The following XG variants were observed in gnomAD, a reference collection of about 807,000 sequenced individuals.
XG encodes glycoprotein Xg.
Under a neutral mutation model 25.7 loss-of-function variants are expected in XG, and 24 were observed. That is an observed-to-expected ratio of 0.93 (90% CI 0.68 to 1.31). XG has a LOEUF of 1.31. XG is among the 40% of genes most tolerant of loss of function. The pLI is 0.00. For synonymous variants in XG, 77 were observed against 69.2 expected, an observed-to-expected ratio of 1.11 and a Z score of -0.56; for missense variants, 181 against 187.6, an observed-to-expected ratio of 0.96 and a Z score of 0.21.
At chrX:2,799,749 C>T (rs968869787) in intron 7 of XG, among the ~76,000 whole-genome samples, 7 of 111,303 alleles carry the variant, frequency 6.3e-5, no homozygotes, top group African/African-American at 2.3e-4. Flanking sequence ...ATTTAGGAAC[C>T]AAAAGGGGGA....
chrX:2,779,605 C>T (rs1242729927), intron 3 of XG, among the ~76,000 whole-genome samples: 2 of 152,082 alleles, frequency 1.3e-5, no homozygotes, highest in East Asian at 1.9e-4. Context: ...TGATATAAAA[C>T]GTGCAGTACT....
chrX:2,802,624 TTG>T (rs1426213145), intron 7 of XG, among the ~76,000 whole-genome samples: 1 of 108,914 alleles, frequency 9.2e-6, no homozygotes, highest in African/African-American at 3.4e-5. Context: ...TCTTCTGTTC[TTG>T]TGTGGGACGG....
Position 2,770,587 on chromosome X carries a change from C to T in XG, c.99C>T (p.Asp33=), listed in dbSNP as rs140118070. Residue 33 remains aspartate, a synonymous_variant, in exon 2 of 11, where the codon GAC becomes GAT. Transcript: ENST00000644266. ...RDFDLADALD[D]PEPTKKPNSD... ...TTGATTTGGCAGATGCCCTTGATGACCCTGGTAAGTGCCGATATTTCAAGG... is the reference window on the plus strand; with the variant it reads ...TTGATTTGGCAGATGCCCTTGATGATCCTGGTAAGTGCCGATATTTCAAGG... 4.6e-5 allele frequency: 75 copies of T among 1,613,924 alleles called. 1 individual carries two copies. In the African/African-American group the frequency reaches 6.7e-4, roughly 14 times the overall value.
intron 2 of XG, 21 bp from the exon 3 acceptor site, chrX:2,774,695 A>G: frequency 6.2e-7 from 1 of 1,613,576 alleles, no homozygotes; most frequent in Non-Finnish European, 8.5e-7. Context: ...TATTGCATTT[A>G]TTTTCTCTCT....
rs1288590186 is a variant in XG, at chrX:2,774,155, C to T, written c.104-561C>T. Among the ~76,000 whole-genome samples, 4 of 152,164 alleles carry T rather than the reference C, an allele frequency of 2.6e-5. No individual in the cohort carries two copies. In the East Asian group the frequency reaches 5.8e-4, roughly 22 times the overall value. On this transcript the variant is annotated intron_variant, in intron 2 of 10. Coordinates refer to ENST00000644266, the MANE Select transcript of XG (RefSeq NM_001141919.2). Reference sequence around the variant, plus strand: ...AAGCTCCAATTTTCCCAGCCATGGCCGACTCCACCTCCTTTGAGCCATCTT... The same window carrying T: ...AAGCTCCAATTTTCCCAGCCATGGCTGACTCCACCTCCTTTGAGCCATCTT...
At chrX:2,778,747 C>T (rs1378815678) in intron 3 of XG, among the ~76,000 whole-genome samples, 4 of 151,234 alleles carry the variant, frequency 2.6e-5, no homozygotes, top group African/African-American at 4.9e-5. Context: ...GTGGATGATA[C>T]GTGATCAAAT....
chrX:2,811,483 G>C, intron 10 of XG, 31 bp downstream of exon 10: 2 of 1,053,204 alleles, frequency 1.9e-6, no homozygotes, highest in Non-Finnish European at 2.6e-6. Flanking sequence ...TGTTTTGCTT[G>C]TTACTAAGCC....
At chrX:2,810,798 C>A (rs2147097430) in intron 9 of XG, among the ~76,000 whole-genome samples, 1 of 110,991 alleles carries the variant, frequency 9.0e-6, no homozygotes, top group East Asian at 2.8e-4. Flanking sequence ...CACCTGTAGT[C>A]CCAGCTATTC....
At chrX:2,781,851 G>T (rs1395026165) in intron 3 of XG, among the ~76,000 whole-genome samples, 1 of 101,424 alleles carries the variant, frequency 9.9e-6, no homozygotes, top group Non-Finnish European at 2.0e-5. Context: ...GTAACAAAAC[G>T]GAAACCTTTT....
intron 4 of XG, among the ~76,000 whole-genome samples, chrX:2,787,684 A>T (rs949159412): frequency 4.5e-5 from 5 of 110,058 alleles, no homozygotes; most frequent in African/African-American, 1.7e-4. Flanking sequence ...ACGTGGGTGG[A>T]TCACCTGAAG....
chrX:2,793,274 A>T (rs1054105809), intron 5 of XG, among the ~76,000 whole-genome samples: 1 of 111,690 alleles, frequency 9.0e-6, no homozygotes, highest in African/African-American at 3.3e-5. Flanking sequence ...TTTCTTATAG[A>T]TCGAGACCAA....
At chrX:2,809,564 G>A (rs1397496218) in intron 9 of XG, among the ~76,000 whole-genome samples, 1 of 112,313 alleles carries the variant, frequency 8.9e-6, no homozygotes, top group Non-Finnish European at 1.9e-5. Flanking sequence ...GTATGTATCA[G>A]TCAGCTATGC....
intron 4 of XG, among the ~76,000 whole-genome samples, chrX:2,783,803 T>C (rs750378946): frequency 2.7e-5 from 3 of 111,732 alleles, no homozygotes; most frequent in Non-Finnish European, 5.7e-5. Context: ...GGCGAAACCC[T>C]GTCTCTACCA....
At chrX:2,782,634 T>C (rs2086741804) in intron 4 of XG, among the ~76,000 whole-genome samples, 1 of 110,959 alleles carries the variant, frequency 9.0e-6, no homozygotes, top group Admixed American at 9.6e-5. Flanking sequence ...TGTTCCTGGG[T>C]GGATGGCGGA....
intron 5 of XG, among the ~76,000 whole-genome samples, chrX:2,790,055 A>T (rs2147070858): frequency 9.1e-6 from 1 of 110,297 alleles, no homozygotes; most frequent in African/African-American, 3.3e-5. Context: ...TATATTTCAA[A>T]TTTTTTGCAG....
chrX:2,759,644 T>G (rs1353665617), intron 1 of XG, among the ~76,000 whole-genome samples: 1 of 152,182 alleles, frequency 6.6e-6, no homozygotes, highest in Non-Finnish European at 1.5e-5. Flanking sequence ...TGGCAAATAT[T>G]GGAGCCAATT....
intron 4 of XG, among the ~76,000 whole-genome samples, chrX:2,788,280 G>A (rs1478562777): frequency 1.8e-5 from 2 of 112,035 alleles, no homozygotes; most frequent in African/African-American, 6.5e-5. Flanking sequence ...TACTGGCAGT[G>A]CCAGGTACCA....
intron 2 of XG, among the ~76,000 whole-genome samples, chrX:2,773,537 A>C (rs56305255): frequency 1.2e-5 from 1 of 85,316 alleles, no homozygotes; most frequent in Non-Finnish European, 2.4e-5. Context: ...GAAGGAGAGA[A>C]GGAAGGAAGG....
At chrX:2,801,923 G>A (rs774726837) in intron 7 of XG, among the ~76,000 whole-genome samples, 1 of 110,313 alleles carries the variant, frequency 9.1e-6, no homozygotes, top group Non-Finnish European at 1.9e-5. Context: ...TAGCCAGGAT[G>A]ATCTCGATCT....
Sources: gnomAD v4.1 joint callset for allele counts (sites outside exome capture counted in the v4.1 genomes callset) on GRCh38, gnomAD v4.1.1 for gene constraint, MANE v1.5 for transcripts, NCBI Gene and HGNC (gene_info 2026-07-23, HGNC 2026-07-21) for gene names.